NAALADL2: variants seen among roughly 807,000 people sequenced by gnomAD.
NAALADL2 encodes the protein inactive N-acetylated-alpha-linked acidic dipeptidase-like protein 2.
A neutral mutation model predicts 87.2 loss-of-function variants in NAALADL2; 76 were observed. That is an observed-to-expected ratio of 0.87 (90% confidence interval 0.72 to 1.05). The LOEUF (loss-of-function observed/expected upper bound fraction) is 1.05, where lower values mean the gene tolerates loss of function less well. NAALADL2 is among the 50% of genes least tolerant of loss of function. NAALADL2 has a pLI of 0.00. For missense variants in NAALADL2, 1,089 were observed against 945.8 expected, an observed-to-expected ratio of 1.15 and a Z score of -1.99; for synonymous variants, 354 against 331.0, an observed-to-expected ratio of 1.07 and a Z score of -0.75.
At chr3:175,776,609 A>T (rs915863416) in intron 13 of NAALADL2, among the ~76,000 whole-genome samples, 1 of 152,220 alleles carries the variant, frequency 6.6e-6, no homozygotes, top group Admixed American at 6.5e-5. Flanking sequence ...ACATTAAGAA[A>T]CAGTTATCCC....
intron 2 of NAALADL2, among the ~76,000 whole-genome samples, chr3:174,629,954 A>C (rs546281724): frequency 1.6e-3 from 238 of 152,332 alleles, no homozygotes; most frequent in South Asian, 3.1e-3. Flanking sequence ...AATGTTGTGC[A>C]TAAAGAAATT....
At chr3:175,351,880 C>T (rs1433746993) in intron 5 of NAALADL2, among the ~76,000 whole-genome samples, 1 of 152,030 alleles carries the variant, frequency 6.6e-6, no homozygotes, top group African/African-American at 2.4e-5. Flanking sequence ...GATCTTAAAG[C>T]AATTACATCA....
intron 1 of NAALADL2, among the ~76,000 whole-genome samples, chr3:174,863,005 G>C (rs967673123): frequency 4.6e-5 from 7 of 152,054 alleles, no homozygotes; most frequent in African/African-American, 1.7e-4. Context: ...ACCAGCAGGA[G>C]ATAACTCTTC....
chr3:174,552,904 T>A (rs932985205), intron 2 of NAALADL2, among the ~76,000 whole-genome samples: 2 of 151,694 alleles, frequency 1.3e-5, no homozygotes, highest in African/African-American at 4.8e-5. Flanking sequence ...TTTTTTAACA[T>A]GCTTTAATTA....
chr3:175,234,114 T>C lies in NAALADL2; in HGVS notation c.729T>C (p.Asn243=), dbSNP rs748132488. ...LSSSGQCFHP[N]GQPCSEEARK... is the part of the protein sequence containing the mutation. The stretch of plus-strand genomic sequence containing the variant: ...GCAGTGGTCAATGCTTTCATCCTAA[T>C]GGCCAGCCTTGCAGTGAAGAAGCCA... The change falls in exon 3 of 14, where the codon AAT becomes AAC. Residue 243 remains asparagine, a synonymous_variant. Coordinates refer to ENST00000454872, the MANE Select transcript of NAALADL2 (RefSeq NM_207015.3). 9 of 1,613,892 alleles carry C rather than the reference T, an allele frequency of 5.6e-6. No homozygotes were observed. The highest frequency in any genetic ancestry group is 7.6e-6 in the Non-Finnish European group (9 of 1,179,844).
intron 1 of NAALADL2, among the ~76,000 whole-genome samples, chr3:174,446,685 A>C (rs1207350965): frequency 6.6e-6 from 1 of 152,104 alleles, no homozygotes; most frequent in Non-Finnish European, 1.5e-5. Context: ...CCTAGTCTCC[A>C]CCTGGGGGCA....
chr3:174,530,287 CA>C (rs1721123930), intron 1 of NAALADL2, among the ~76,000 whole-genome samples: 1 of 152,130 alleles, frequency 6.6e-6, no homozygotes, highest in African/African-American at 2.4e-5. Flanking sequence ...CTCCAGTTCC[CA>C]ACAAGTTCCT....
intron 1 of NAALADL2, among the ~76,000 whole-genome samples, chr3:174,520,253 C>T (rs1269866025): frequency 6.6e-6 from 1 of 152,094 alleles, no homozygotes; most frequent in Non-Finnish European, 1.5e-5. Context: ...GCCCGAATAG[C>T]CAAAGCAGTC....
intron 13 of NAALADL2, among the ~76,000 whole-genome samples, chr3:175,772,476 T>G (rs1232742106): frequency 6.6e-6 from 1 of 152,170 alleles, no homozygotes; most frequent in Non-Finnish European, 1.5e-5. Context: ...CCTGTCATTG[T>G]CACCCTAACA....
intron 10 of NAALADL2, among the ~76,000 whole-genome samples, chr3:175,595,418 A>C (rs1722118686): frequency 6.6e-6 from 1 of 151,968 alleles, no homozygotes; most frequent in Non-Finnish European, 1.5e-5. Context: ...TGTAGTTTGA[A>C]GTTGGATAGG....
chr3:175,674,845 T>A (rs1734548190), intron 11 of NAALADL2, among the ~76,000 whole-genome samples: 1 of 152,218 alleles, frequency 6.6e-6, no homozygotes, highest in Non-Finnish European at 1.5e-5. Flanking sequence ...ACTGTATAGG[T>A]ACTTTTGTGA....
intron 1 of NAALADL2, among the ~76,000 whole-genome samples, chr3:174,460,893 T>TC (rs1192414926): frequency 2.6e-5 from 4 of 151,948 alleles, no homozygotes; most frequent in African/African-American, 2.4e-5. Flanking sequence ...CCTCCTTCCA[T>TC]CCCCCCAGTT....
chr3:174,911,574 C>A (rs888104653), intron 1 of NAALADL2, among the ~76,000 whole-genome samples: 2 of 152,056 alleles, frequency 1.3e-5, no homozygotes, highest in Admixed American at 6.6e-5. Flanking sequence ...ATAGGCAGAG[C>A]AAGACTTCTC....
chr3:175,121,870 G>A (rs2108569945), intron 2 of NAALADL2, among the ~76,000 whole-genome samples: 1 of 151,888 alleles, frequency 6.6e-6, no homozygotes, highest in Middle Eastern at 3.4e-3. Flanking sequence ...GTATTTAGGG[G>A]AGATTTTATA....
intron 3 of NAALADL2, among the ~76,000 whole-genome samples, chr3:174,835,413 A>C (rs572457226): frequency 6.6e-6 from 1 of 152,244 alleles, no homozygotes; most frequent in East Asian, 1.9e-4. Flanking sequence ...TTAGAAGAAA[A>C]CATAGGGAAA....
At chr3:175,006,863 G>T (rs916134563) in intron 1 of NAALADL2, among the ~76,000 whole-genome samples, 1 of 151,152 alleles carries the variant, frequency 6.6e-6, no homozygotes, top group African/African-American at 2.4e-5. Context: ...TTTGGATGTT[G>T]TGAGCGTATG....
intron 4 of NAALADL2, among the ~76,000 whole-genome samples, chr3:175,273,172 C>T (rs912057964): frequency 6.6e-6 from 1 of 151,870 alleles, no homozygotes; most frequent in African/African-American, 2.4e-5. Context: ...TAATTTGCCT[C>T]TAGGTTTATG....
At chr3:175,204,422 G>A (rs76785302) in intron 2 of NAALADL2, among the ~76,000 whole-genome samples, 100 of 152,040 alleles carry the variant, frequency 6.6e-4, no homozygotes, top group African/African-American at 2.2e-3. Flanking sequence ...CTGCAAAATC[G>A]GCATGCAGGG....
chr3:174,445,123 G>A (rs935376936), intron 1 of NAALADL2, among the ~76,000 whole-genome samples: 3 of 151,736 alleles, frequency 2.0e-5, no homozygotes, highest in African/African-American at 7.3e-5. Context: ...CTATGTAAAT[G>A]ACATCATCTC....
Sources: allele counts gnomAD v4.1 joint callset (sites outside exome capture counted in the v4.1 genomes callset), GRCh38; gene constraint gnomAD v4.1.1; transcripts MANE v1.5; gene names NCBI Gene and HGNC (gene_info 2026-07-23, HGNC 2026-07-21).